FOXP2: variants seen among roughly 807,000 people sequenced by gnomAD.
FOXP2 encodes forkhead box P2, also known as forkhead box protein P2.
FOXP2 carries 12 observed loss-of-function variants against 115.8 expected under a neutral mutation model. The ratio of observed to expected loss-of-function variants is 0.10; its 90% CI spans 0.07 to 0.17. The LOEUF is 0.17. Among genes scored for constraint, FOXP2 ranks in the 10% least tolerant of loss-of-function variants. The pLI, the probability that FOXP2 is intolerant of heterozygous loss-of-function variation, is 1.00. For missense variants in FOXP2, 629 were observed against 843.5 expected (o/e 0.75, Z 3.15); for synonymous variants, 328 against 297.7 (o/e 1.10, Z -1.05).
At chr7:114,665,736 ACT>A (rs1807127677) in intron 16 of FOXP2, 1 of 152,106 alleles carries the variant, frequency 6.6e-6, no homozygotes, top group African/African-American at 2.4e-5. Flanking sequence ...AAGTAATAAA[ACT>A]CAAAGTAGAA....
At chr7:114,283,953 A>T (rs998065891) in intron 1 of FOXP2, among the ~76,000 whole-genome samples, 1 of 152,142 alleles carries the variant, frequency 6.6e-6, no homozygotes, top group African/African-American at 2.4e-5. Flanking sequence ...ACTGAGCAAG[A>T]CCCTATCTAA....
At chr7:114,086,933 C>G (rs1799432958), upstream of FOXP2, among the ~76,000 whole-genome samples, 1 of 152,186 alleles carries the variant, frequency 6.6e-6, no homozygotes, top group Non-Finnish European at 1.5e-5. Context: ...TTGGATAATG[C>G]AAAATGTTGC....
chr7:114,555,537 C>CT (rs1428618069), intron 3 of FOXP2, among the ~76,000 whole-genome samples: 1 of 152,178 alleles, frequency 6.6e-6, no homozygotes, highest in East Asian at 1.9e-4. Flanking sequence ...TGGCTCATGC[C>CT]TGTAATCTCA....
At chr7:114,426,250 A>G (rs1793839278) in intron 1 of FOXP2, among the ~76,000 whole-genome samples, 1 of 151,676 alleles carries the variant, frequency 6.6e-6, no homozygotes, top group Non-Finnish European at 1.5e-5. Flanking sequence ...TGACCATGCT[A>G]TATGCATGGT....
intron 1 of FOXP2, among the ~76,000 whole-genome samples, chr7:114,115,877 A>AT (rs1348479191): frequency 1.3e-5 from 2 of 152,168 alleles, no homozygotes; most frequent in Non-Finnish European, 2.9e-5. Context: ...GTAGGAATTA[A>AT]GCATTTATTG....
At chr7:114,499,029 C>A in intron 2 of FOXP2, 1 of 700,704 alleles carries the variant, frequency 1.4e-6, no homozygotes. Flanking sequence ...TGCACATTCT[C>A]AGGCCACTCC....
At chr7:114,680,385 T>C (rs1383084505) in intron 16 of FOXP2, among the ~76,000 whole-genome samples, 1 of 152,182 alleles carries the variant, frequency 6.6e-6, no homozygotes, top group Non-Finnish European at 1.5e-5. Flanking sequence ...ATGGGTAATT[T>C]GCACTAAAAC....
At chr7:114,586,806 T>C (rs1802157973) in intron 3 of FOXP2, among the ~76,000 whole-genome samples, 1 of 151,950 alleles carries the variant, frequency 6.6e-6, no homozygotes, top group Non-Finnish European at 1.5e-5. Flanking sequence ...TTCCAAACAG[T>C]AGGTTTTTTT....
At chr7:114,393,582 G>A (rs1792663089) in intron 2 of FOXP2, among the ~76,000 whole-genome samples, 4 of 152,024 alleles carry the variant, frequency 2.6e-5, no homozygotes, top group Admixed American at 2.6e-4. Flanking sequence ...GGTGTGGGGA[G>A]TCAAAACCAC....
chr7:114,631,342 A>G (rs907106109), intron 5 of FOXP2, among the ~76,000 whole-genome samples, 186 bp from the exon 6 acceptor site: 5 of 152,142 alleles, frequency 3.3e-5, no homozygotes, highest in African/African-American at 4.8e-5. Context: ...CTCTAACACG[A>G]TTTAATAATT....
chr7:114,296,300 C>T (rs956034906), intron 2 of FOXP2, among the ~76,000 whole-genome samples: 22 of 151,894 alleles, frequency 1.4e-4, no homozygotes, highest in African/African-American at 5.1e-4. Context: ...GTGTATGAAT[C>T]AGTAGTCTCA....
chr7:114,502,566 GC>G (rs1797615730), intron 2 of FOXP2, among the ~76,000 whole-genome samples: 1 of 151,980 alleles, frequency 6.6e-6, no homozygotes, highest in Non-Finnish European at 1.5e-5. Context: ...GTTTATATTG[GC>G]ACAGATCCCC....
At chr7:114,244,152 G>A (rs949153189) in intron 1 of FOXP2, among the ~76,000 whole-genome samples, 3 of 151,634 alleles carry the variant, frequency 2.0e-5, no homozygotes, top group Non-Finnish European at 4.4e-5. Flanking sequence ...GTTTGTTTCC[G>A]GTTTACAAAA....
chr7:114,686,962 C>T (rs908336592), intron 16 of FOXP2, among the ~76,000 whole-genome samples: 4 of 152,030 alleles, frequency 2.6e-5, no homozygotes, highest in Admixed American at 1.3e-4. Context: ...TTTGCATGCA[C>T]TATAGTAATA....
chr7:114,498,057 A>C (rs186597820), intron 2 of FOXP2, among the ~76,000 whole-genome samples: 13 of 152,250 alleles, frequency 8.5e-5, no homozygotes, highest in Admixed American at 6.5e-4. Context: ...ATGATACCGA[A>C]ATGTTTTTGA....
intron 2 of FOXP2, among the ~76,000 whole-genome samples, chr7:114,329,817 C>A (rs1261100817): frequency 1.3e-5 from 2 of 151,972 alleles, no homozygotes; most frequent in Admixed American, 1.3e-4. Flanking sequence ...GCTGGGATTA[C>A]AGGCACGTGC....
intron 1 of FOXP2, among the ~76,000 whole-genome samples, chr7:114,118,854 G>A (rs985722207): frequency 6.6e-6 from 1 of 152,104 alleles, no homozygotes; most frequent in African/African-American, 2.4e-5. Context: ...GTACTTAAGA[G>A]TGGATGATGG....
intron 1 of FOXP2, among the ~76,000 whole-genome samples, chr7:114,127,958 A>G (rs886273052): frequency 4.6e-5 from 7 of 152,212 alleles, no homozygotes; most frequent in African/African-American, 1.7e-4. Context: ...GTCTTGTTAA[A>G]TGTGATTTTC....
chr7:114,602,495 A>G (rs1019645529), intron 3 of FOXP2, among the ~76,000 whole-genome samples: 1 of 152,068 alleles, frequency 6.6e-6, no homozygotes, highest in Non-Finnish European at 1.5e-5. Flanking sequence ...AAAGATTCCT[A>G]TGATTACTTT....
Sources: allele counts gnomAD v4.1 joint callset (sites outside exome capture counted in the v4.1 genomes callset), GRCh38; gene constraint gnomAD v4.1.1; transcripts MANE v1.5; gene names NCBI Gene and HGNC (gene_info 2026-07-23, HGNC 2026-07-21).